The following MACROD2 variants were observed in gnomAD, a reference collection of about 807,000 sequenced individuals.
MACROD2 encodes ADP-ribose glycohydrolase MACROD2.
In MACROD2, 36 loss-of-function variants were observed where a neutral mutation model predicts 70.4. The ratio of observed to expected loss-of-function variants is 0.51; its 90% confidence interval spans 0.39 to 0.68. The LOEUF (loss-of-function observed/expected upper bound fraction) is 0.68, where lower values mean the gene tolerates loss of function less well. Among genes scored for constraint, MACROD2 ranks in the 30% least tolerant of loss-of-function variants. The pLI, the probability that MACROD2 is intolerant of heterozygous loss-of-function variation, is 0.00. For missense variants in MACROD2, 496 were observed against 538.4 expected, an observed-to-expected ratio of 0.92 and a Z score of 0.78; for synonymous variants, 172 against 178.8, an observed-to-expected ratio of 0.96 and a Z score of 0.30.
chr20:14,726,316 C>G (rs1370442157), intron 5 of MACROD2, among the ~76,000 whole-genome samples: 1 of 152,116 alleles, frequency 6.6e-6, no homozygotes, highest in Non-Finnish European at 1.5e-5. Context: ...CATACAGTAC[C>G]TTGAAATCCA....
chr20:15,301,227 G>A (rs1175214477), intron 6 of MACROD2, among the ~76,000 whole-genome samples: 1 of 152,178 alleles, frequency 6.6e-6, no homozygotes, highest in Non-Finnish European at 1.5e-5. Flanking sequence ...GGAAATGTAG[G>A]AAGAGGATAT....
intron 5 of MACROD2, among the ~76,000 whole-genome samples, chr20:15,136,389 G>A (rs1448550881): frequency 6.6e-6 from 1 of 151,942 alleles, no homozygotes; most frequent in Non-Finnish European, 1.5e-5. Context: ...ACAGAACAGA[G>A]CCCTCAGAAA....
chr20:15,327,576 G>A (rs6079751), intron 6 of MACROD2, among the ~76,000 whole-genome samples: 5,339 of 152,150 alleles, frequency 0.035, 124 homozygotes, highest in South Asian at 0.086. Flanking sequence ...CAGATCTCAC[G>A]AGAACTCACT....
intron 5 of MACROD2, among the ~76,000 whole-genome samples, chr20:15,175,588 T>C (rs1302728431): frequency 6.6e-6 from 1 of 152,252 alleles, no homozygotes; most frequent in Non-Finnish European, 1.5e-5. Flanking sequence ...TCATATTGAC[T>C]TAGCTATTGG....
At chr20:15,778,529 T>C (rs1239899348) in intron 8 of MACROD2, among the ~76,000 whole-genome samples, 3 of 152,160 alleles carry the variant, frequency 2.0e-5, no homozygotes, top group African/African-American at 7.2e-5. Flanking sequence ...CAATTTCTGC[T>C]TCACAGATTT....
chr20:15,173,063 T>C (rs1276957978), intron 5 of MACROD2, among the ~76,000 whole-genome samples: 2 of 152,150 alleles, frequency 1.3e-5, no homozygotes, highest in Non-Finnish European at 1.5e-5. Context: ...TGTGCGTGTG[T>C]GTTTGTGTGG....
chr20:15,056,863 T>C (rs1260160809), intron 5 of MACROD2, among the ~76,000 whole-genome samples: 1 of 152,144 alleles, frequency 6.6e-6, no homozygotes, highest in Non-Finnish European at 1.5e-5. Flanking sequence ...CTTTCAGATA[T>C]CAGGAGAAAC....
chr20:14,367,796 T>A (rs1179747410), intron 3 of MACROD2, among the ~76,000 whole-genome samples: 1 of 152,052 alleles, frequency 6.6e-6, no homozygotes, highest in Non-Finnish European at 1.5e-5. Context: ...CTTGAATGTG[T>A]GCATTTATGT....
chr20:15,609,690 C>T (rs529742151), intron 8 of MACROD2, among the ~76,000 whole-genome samples: 1 of 152,222 alleles, frequency 6.6e-6, no homozygotes, highest in Non-Finnish European at 1.5e-5. Flanking sequence ...TTGAGACCTG[C>T]AACTCTTAAC....
chr20:15,022,025 A>G (rs1454305400), intron 5 of MACROD2, among the ~76,000 whole-genome samples: 6 of 152,186 alleles, frequency 3.9e-5, no homozygotes, highest in Admixed American at 6.6e-5. Context: ...AAAAAAATAC[A>G]TACATTTATG....
chr20:14,049,944 C>T (rs978765771), intron 2 of MACROD2, among the ~76,000 whole-genome samples: 2 of 151,726 alleles, frequency 1.3e-5, no homozygotes, highest in African/African-American at 2.4e-5. Context: ...ATTAGCTGGG[C>T]GTGGTGGCAG....
intron 8 of MACROD2, among the ~76,000 whole-genome samples, chr20:15,799,951 T>C (rs1041470348): frequency 6.6e-6 from 1 of 152,240 alleles, no homozygotes; most frequent in African/African-American, 2.4e-5. Flanking sequence ...TTTTTCTTTT[T>C]TTCGTCTGTT....
At chr20:15,557,415 G>GA (rs1182168427) in intron 8 of MACROD2, among the ~76,000 whole-genome samples, 1 of 152,136 alleles carries the variant, frequency 6.6e-6, no homozygotes, top group African/African-American at 2.4e-5. Flanking sequence ...TGCAGAGAGA[G>GA]AAAAAAATAA....
chr20:15,816,348 A>G (rs575026106), intron 8 of MACROD2, among the ~76,000 whole-genome samples: 3 of 152,180 alleles, frequency 2.0e-5, no homozygotes, highest in African/African-American at 7.2e-5. Flanking sequence ...CGAACCCCCA[A>G]ATTGTACTGG....
At chr20:14,324,197 T>C (rs1185492677) in intron 3 of MACROD2, 1 of 152,446 alleles carries the variant, frequency 6.6e-6, no homozygotes, top group Non-Finnish European at 1.5e-5. Context: ...TATGAAAAAT[T>C]TGTGGAGTTT....
At chr20:14,055,989 C>T (rs890075561) in intron 2 of MACROD2, among the ~76,000 whole-genome samples, 4 of 151,792 alleles carry the variant, frequency 2.6e-5, no homozygotes, top group East Asian at 1.9e-4. Flanking sequence ...ACTGTGTTAC[C>T]GACATTTCTG....
rs909280742 is a variant in MACROD2 at position 14,503,576 on chromosome 20, G to A, written c.301+10068G>A. On this transcript the variant is annotated intron_variant, in intron 4 of 17. Transcript: ENST00000684519. ...ACTCAGAAGTGTACAATATTGGGAC[G>A]TTCTCCAGGAGAAGATGAACAAGAA... 2.0e-4 allele frequency among the ~76,000 whole-genome samples: 31 copies of A among 152,166 alleles called. 1 individual carries two copies. The highest frequency in any genetic ancestry group is 7.2e-5 in the African/African-American group (3 of 41,452).
chr20:16,001,572 TGTC>T (rs1341613693), intron 15 of MACROD2, among the ~76,000 whole-genome samples: 2 of 152,240 alleles, frequency 1.3e-5, no homozygotes. Context: ...TCAGAGATGT[TGTC>T]ATAGTTTATT....
At chr20:15,348,610 G>A (rs1467787591) in intron 6 of MACROD2, among the ~76,000 whole-genome samples, 2 of 152,120 alleles carry the variant, frequency 1.3e-5, no homozygotes, top group African/African-American at 4.8e-5. Context: ...CCACATGGCT[G>A]GGGAGGCCTC....
Sources: allele counts gnomAD v4.1 joint callset (sites outside exome capture counted in the v4.1 genomes callset), GRCh38; gene constraint gnomAD v4.1.1; transcripts MANE v1.5; gene names NCBI Gene and HGNC (gene_info 2026-07-23, HGNC 2026-07-21).